Variants in DPP10 observed in about 807,000 individuals in gnomAD.
DPP10 encodes dipeptidyl peptidase like 10.
DPP10 carries 33 observed loss-of-function variants against 120.9 expected under a neutral mutation model. The ratio of observed to expected loss-of-function variants is 0.27; its 90% CI spans 0.21 to 0.37. The LOEUF (loss-of-function observed/expected upper bound fraction) is 0.37, where lower values mean the gene tolerates loss of function less well. DPP10 is among the 10% of genes least tolerant of loss of function. The pLI, the probability that DPP10 is intolerant of heterozygous loss-of-function variation, is 1.00. For synonymous variants in DPP10, 337 were observed against 326.1 expected (o/e 1.03, Z -0.36); for missense variants, 816 against 942.8 (o/e 0.87, Z 1.76).
At chr2:114,767,290 T>A (rs1403542117) in intron 1 of DPP10, among the ~76,000 whole-genome samples, 1 of 140,464 alleles carries the variant, frequency 7.1e-6, no homozygotes, top group Non-Finnish European at 1.5e-5. Context: ...TAAAGATATA[T>A]AATATATATA....
intron 4 of DPP10, among the ~76,000 whole-genome samples, chr2:115,513,263 A>T (rs2077327241): frequency 6.6e-6 from 1 of 151,830 alleles, no homozygotes; most frequent in African/African-American, 2.4e-5. Flanking sequence ...TAAACTTATT[A>T]GTGTCTTCAA....
chr2:114,876,935 G>T (rs930363154), intron 1 of DPP10, among the ~76,000 whole-genome samples: 8 of 151,840 alleles, frequency 5.3e-5, no homozygotes, highest in African/African-American at 1.9e-4. Flanking sequence ...TTCCTCTGCA[G>T]TCTCTCTCTT....
chr2:115,196,395 T>A (rs1374159598), intron 1 of DPP10, among the ~76,000 whole-genome samples: 1 of 152,170 alleles, frequency 6.6e-6, no homozygotes, highest in Non-Finnish European at 1.5e-5. Flanking sequence ...TAGTTATTCC[T>A]CTCCTCTATT....
At chr2:115,272,441 A>G (rs986956197) in intron 1 of DPP10, among the ~76,000 whole-genome samples, 1 of 152,232 alleles carries the variant, frequency 6.6e-6, no homozygotes, top group African/African-American at 2.4e-5. Flanking sequence ...AAATATATCA[A>G]ATATATTCTG....
At chr2:115,756,875 G>T (rs1679475738) in intron 11 of DPP10, among the ~76,000 whole-genome samples, 1 of 152,088 alleles carries the variant, frequency 6.6e-6, no homozygotes, top group South Asian at 2.1e-4. Context: ...AGGGCAAAGA[G>T]AGGGTGAGAG....
At chr2:115,743,139 A>T (rs931075604) in intron 9 of DPP10, among the ~76,000 whole-genome samples, 1 of 152,030 alleles carries the variant, frequency 6.6e-6, no homozygotes, top group East Asian at 1.9e-4. Context: ...ATGTAACTGT[A>T]AAAAGCAAAT....
chr2:114,478,506 A>T (rs892022525), intron 1 of DPP10, among the ~76,000 whole-genome samples: 3 of 152,144 alleles, frequency 2.0e-5, no homozygotes, highest in African/African-American at 4.8e-5. Flanking sequence ...TTTGTAATAA[A>T]GCAAGAATGT....
intron 1 of DPP10, among the ~76,000 whole-genome samples, chr2:114,790,671 G>A (rs995137236): frequency 1.3e-5 from 2 of 152,030 alleles, no homozygotes; most frequent in Admixed American, 6.5e-5. Flanking sequence ...GCAGGAGTGG[G>A]GGTTCGCAAG....
chr2:115,021,814 G>T (rs1703097601), intron 1 of DPP10, among the ~76,000 whole-genome samples: 1 of 152,084 alleles, frequency 6.6e-6, no homozygotes. Context: ...AATCCACTGT[G>T]ATCAAGTGGG....
intron 3 of DPP10, among the ~76,000 whole-genome samples, chr2:115,381,664 T>G (rs2066369321): frequency 6.6e-6 from 1 of 152,192 alleles, no homozygotes; most frequent in South Asian, 2.1e-4. Flanking sequence ...CTGCTCTGGT[T>G]TTTCCCCATC....
intron 21 of DPP10, among the ~76,000 whole-genome samples, chr2:115,832,318 A>G (rs1412366538): frequency 1.3e-5 from 2 of 152,092 alleles, no homozygotes; most frequent in African/African-American, 2.4e-5. Context: ...GGCAAAACCT[A>G]TCTGTACAAA....
At chr2:114,731,490 C>T (rs772679596) in intron 1 of DPP10, among the ~76,000 whole-genome samples, 8 of 152,060 alleles carry the variant, frequency 5.3e-5, no homozygotes, top group South Asian at 2.1e-4. Flanking sequence ...GTGTACCTTC[C>T]GTGGGATACT....
intron 1 of DPP10, among the ~76,000 whole-genome samples, chr2:114,647,218 T>C (rs1696208132): frequency 6.6e-6 from 1 of 152,238 alleles, no homozygotes; most frequent in Non-Finnish European, 1.5e-5. Context: ...TCCATCTTTC[T>C]ATCTTCCCTT....
intron 1 of DPP10, among the ~76,000 whole-genome samples, chr2:115,203,214 G>A (rs1005159440): frequency 2.0e-5 from 3 of 152,180 alleles, no homozygotes; most frequent in African/African-American, 7.2e-5. Context: ...CTGCAAGAAT[G>A]AGTGGATTTT....
At chr2:115,566,188 T>C (rs2080999473) in intron 5 of DPP10, among the ~76,000 whole-genome samples, 1 of 152,210 alleles carries the variant, frequency 6.6e-6, no homozygotes, top group Non-Finnish European at 1.5e-5. Context: ...CCATTAATGA[T>C]AGTAGTTACT....
At chr2:115,484,719 C>G (rs565831619) in intron 3 of DPP10, among the ~76,000 whole-genome samples, 29 of 152,238 alleles carry the variant, frequency 1.9e-4, no homozygotes, top group African/African-American at 6.5e-4. Context: ...ACTGAAGTAT[C>G]TGTATCAAGT....
intron 5 of DPP10, among the ~76,000 whole-genome samples, chr2:115,590,327 C>T (rs376495766): frequency 2.0e-5 from 3 of 152,054 alleles, no homozygotes; most frequent in South Asian, 4.2e-4. Context: ...TTACCCCCAC[C>T]TCACGACAGG....
chr2:115,529,509 G>A (rs1310991471), intron 5 of DPP10, among the ~76,000 whole-genome samples: 1 of 150,716 alleles, frequency 6.6e-6, no homozygotes, highest in African/African-American at 2.4e-5. Context: ...TTAAGTGTAT[G>A]GATTATGCAA....
Position 114,681,536 on chromosome 2 carries a change from A to T in DPP10, c.60+238698A>T, listed in dbSNP as rs115123720. Among the ~76,000 whole-genome samples, 1,156 of 152,170 alleles carry T rather than the reference A, an allele frequency of 7.6e-3. 13 individuals are homozygous for T. The highest frequency in any genetic ancestry group is 0.026 in the African/African-American group (1,087 of 41,544). On this transcript the variant is annotated intron_variant, in intron 1 of 25. Transcript: ENST00000410059. ...TTAGCTTCCCAGTTCAGAGATTCTC[A>T]TTACAACTGTATTCCTGATTGCCAA...
Sources: allele counts gnomAD v4.1 joint callset (sites outside exome capture counted in the v4.1 genomes callset), GRCh38; gene constraint gnomAD v4.1.1; transcripts MANE v1.5; gene names NCBI Gene and HGNC (gene_info 2026-07-23, HGNC 2026-07-21).